PCDH15: variants seen among roughly 807,000 people sequenced by gnomAD.
PCDH15 encodes the protein protocadherin related 15, also known as protocadherin-15.
In PCDH15, 129 loss-of-function variants were observed where a neutral mutation model predicts 178.5. The observed-to-expected ratio is 0.72, with a 90% CI of 0.63 to 0.84. PCDH15 has a LOEUF of 0.84. Ranked by LOEUF, PCDH15 falls within the 40% of genes least tolerant of loss-of-function variation. The pLI, the probability that PCDH15 is intolerant of heterozygous loss-of-function variation, is 0.00. For missense variants in PCDH15, 2,230 were observed against 2,099.9 expected, an observed-to-expected ratio of 1.06 and a Z score of -1.21; for synonymous variants, 800 against 732.0, an observed-to-expected ratio of 1.09 and a Z score of -1.50.
intron 3 of PCDH15, among the ~76,000 whole-genome samples, chr10:54,865,616 A>G (rs1468568306): frequency 3.3e-5 from 5 of 152,180 alleles, no homozygotes; most frequent in Admixed American, 2.6e-4. Flanking sequence ...CTTCCTCAAC[A>G]GGTGGGGATT....
At chr10:54,827,758 A>C (rs923477752) in intron 3 of PCDH15, among the ~76,000 whole-genome samples, 1 of 152,110 alleles carries the variant, frequency 6.6e-6, no homozygotes, top group Non-Finnish European at 1.5e-5. Context: ...ACAGATATTT[A>C]GTATATCTAC....
At chr10:55,138,266 C>G (rs2132085400) in intron 2 of PCDH15, among the ~76,000 whole-genome samples, 1 of 152,190 alleles carries the variant, frequency 6.6e-6, no homozygotes, top group East Asian at 1.9e-4. Context: ...TCGTTTATGT[C>G]ACATTCCAAT....
intron 1 of PCDH15, among the ~76,000 whole-genome samples, chr10:54,732,709 C>T (rs11004516): frequency 0.12 from 18,469 of 151,408 alleles, 1,262 homozygotes; most frequent in African/African-American, 0.17. Context: ...TGTCCTGATA[C>T]TAAAGTCAGA....
chr10:54,404,823 A>C (rs1952425139), intron 3 of PCDH15, among the ~76,000 whole-genome samples: 1 of 152,128 alleles, frequency 6.6e-6, no homozygotes, highest in African/African-American at 2.4e-5. Context: ...ACCATTAAAA[A>C]GTGGGCAAAG....
At chr10:53,889,914 G>A (rs919018619) in intron 26 of PCDH15, among the ~76,000 whole-genome samples, 4 of 152,038 alleles carry the variant, frequency 2.6e-5, no homozygotes, top group Non-Finnish European at 4.4e-5. Flanking sequence ...TAAAAATATC[G>A]TAAACAAGAA....
At chr10:54,875,892 T>C (rs1954130725) in intron 3 of PCDH15, among the ~76,000 whole-genome samples, 1 of 152,160 alleles carries the variant, frequency 6.6e-6, no homozygotes, top group Non-Finnish European at 1.5e-5. Flanking sequence ...AAAATCTAGC[T>C]AAGATAATTG....
At chr10:54,044,800 C>T (rs2093625395) in intron 18 of PCDH15, among the ~76,000 whole-genome samples, 1 of 152,138 alleles carries the variant, frequency 6.6e-6, no homozygotes. Context: ...ACTAAAGCCG[C>T]ATCATTGTGT....
At chr10:54,287,220 A>G (rs2059085904) in intron 8 of PCDH15, among the ~76,000 whole-genome samples, 3 of 152,248 alleles carry the variant, frequency 2.0e-5, no homozygotes, top group Non-Finnish European at 2.9e-5. Context: ...CAGTGTATTA[A>G]GCAGAAAAAT....
At chr10:54,270,204 A>T (rs2057959963) in intron 8 of PCDH15, among the ~76,000 whole-genome samples, 1 of 152,082 alleles carries the variant, frequency 6.6e-6, no homozygotes, top group Non-Finnish European at 1.5e-5. Flanking sequence ...TAAAAATGGG[A>T]TCCATTTTCT....
intron 1 of PCDH15, among the ~76,000 whole-genome samples, chr10:55,256,538 T>C (rs888596765): frequency 2.6e-5 from 4 of 152,188 alleles, no homozygotes; most frequent in African/African-American, 9.6e-5. Context: ...ATACTGCACT[T>C]TTCCAATGGT....
chr10:54,996,203 A>G (rs1564699729), intron 2 of PCDH15, among the ~76,000 whole-genome samples: 1 of 152,138 alleles, frequency 6.6e-6, no homozygotes, highest in Non-Finnish European at 1.5e-5. Flanking sequence ...GCTTGGTCTC[A>G]TTCTCTCTTC....
chr10:54,318,421 C>G (rs1382691757), intron 7 of PCDH15, among the ~76,000 whole-genome samples: 1 of 152,156 alleles, frequency 6.6e-6, no homozygotes, highest in African/African-American at 2.4e-5. Flanking sequence ...GTATTCTGGT[C>G]TCTCTTCTCT....
At chr10:54,725,703 T>C (rs1055552183) in intron 1 of PCDH15, among the ~76,000 whole-genome samples, 13 of 151,260 alleles carry the variant, frequency 8.6e-5, no homozygotes, top group African/African-American at 2.9e-4. Flanking sequence ...ATTTTATTTT[T>C]ACAGTTTTTT....
intron 3 of PCDH15, among the ~76,000 whole-genome samples, chr10:54,509,649 G>A (rs910681117): frequency 1.3e-5 from 2 of 152,042 alleles, no homozygotes; most frequent in Non-Finnish European, 2.9e-5. Context: ...ATGCAGCAAA[G>A]GCCTCCACAG....
intron 1 of PCDH15, among the ~76,000 whole-genome samples, chr10:55,309,437 A>G (rs1843518575): frequency 6.6e-6 from 1 of 152,000 alleles, no homozygotes; most frequent in Non-Finnish European, 1.5e-5. Context: ...GGATCACTTG[A>G]ACCCAGTAGG....
intron 3 of PCDH15, among the ~76,000 whole-genome samples, chr10:54,401,789 C>T (rs1951963683): frequency 6.6e-6 from 1 of 151,664 alleles, no homozygotes; most frequent in African/African-American, 2.4e-5. Flanking sequence ...AAAGTATATG[C>T]CCATAATTTA....
intron 30 of PCDH15, among the ~76,000 whole-genome samples, chr10:53,830,354 C>A (rs1452423279): frequency 6.6e-6 from 1 of 151,400 alleles, no homozygotes. Context: ...TTAGTATTTC[C>A]TCTGTAGGTA....
At chr10:54,490,740 A>G (rs1257898530) in intron 3 of PCDH15, among the ~76,000 whole-genome samples, 4 of 152,174 alleles carry the variant, frequency 2.6e-5, no homozygotes, top group Non-Finnish European at 4.4e-5. Flanking sequence ...AAGTCAAAAT[A>G]CTGATCATAT....
At chr10:54,049,819 C>T (rs1439378533) in intron 18 of PCDH15, among the ~76,000 whole-genome samples, 2 of 152,074 alleles carry the variant, frequency 1.3e-5, no homozygotes, top group Non-Finnish European at 2.9e-5. Context: ...TAGGGTTTCA[C>T]CATATTTACC....
Sources: allele counts gnomAD v4.1 joint callset (sites outside exome capture counted in the v4.1 genomes callset), GRCh38; gene constraint gnomAD v4.1.1; transcripts MANE v1.5; gene names NCBI Gene and HGNC (gene_info 2026-07-23, HGNC 2026-07-21).